Variants in CADM2 observed in about 807,000 individuals in gnomAD.
CADM2 encodes the protein cell adhesion molecule 2.
Under a neutral mutation model 49.8 loss-of-function variants are expected in CADM2, and 12 were observed. That is an observed-to-expected ratio of 0.24 (90% CI 0.15 to 0.39). The LOEUF (loss-of-function observed/expected upper bound fraction) is 0.39. Among genes scored for constraint, CADM2 ranks in the 10% least tolerant of loss-of-function variants. CADM2 has a pLI of 1.00. For synonymous variants in CADM2, 214 were observed against 175.4 expected, an observed-to-expected ratio of 1.22 and a Z score of -1.74; for missense variants, 378 against 492.3, an observed-to-expected ratio of 0.77 and a Z score of 2.20.
chr3:85,356,764 A>G (rs2031897576), intron 1 of CADM2, among the ~76,000 whole-genome samples: 2 of 152,130 alleles, frequency 1.3e-5, no homozygotes, highest in South Asian at 2.1e-4. Flanking sequence ...ATGACATTCT[A>G]TTTCTACTGT....
At chr3:85,672,581 G>C (rs1022002904) in intron 1 of CADM2, among the ~76,000 whole-genome samples, 13 of 151,974 alleles carry the variant, frequency 8.6e-5, no homozygotes, top group African/African-American at 2.2e-4. Context: ...ATATAATTCA[G>C]ATCAATACTC....
chr3:85,346,466 T>C (rs2030661477), intron 1 of CADM2, among the ~76,000 whole-genome samples: 1 of 152,164 alleles, frequency 6.6e-6, no homozygotes. Flanking sequence ...GCACATGTGA[T>C]CAGATGCATT....
intron 1 of CADM2, among the ~76,000 whole-genome samples, chr3:85,071,751 T>C (rs2036751705): frequency 6.6e-6 from 1 of 152,078 alleles, no homozygotes; most frequent in Admixed American, 6.6e-5. Flanking sequence ...TTGATTATCA[T>C]AGATTTAACT....
At chr3:85,411,557 T>G (rs1332937065) in intron 1 of CADM2, among the ~76,000 whole-genome samples, 1 of 152,164 alleles carries the variant, frequency 6.6e-6, no homozygotes, top group Admixed American at 6.5e-5. Context: ...GATAAAAATG[T>G]CACAGATTTC....
intron 1 of CADM2, among the ~76,000 whole-genome samples, chr3:85,237,751 A>G (rs2042439845): frequency 6.6e-6 from 1 of 151,812 alleles, no homozygotes; most frequent in African/African-American, 2.4e-5. Context: ...CAAGTTTTAT[A>G]CTTTAATATG....
Position 85,578,729 on chromosome 3 carries a change from A to C in CADM2, c.62-147793A>C, listed in dbSNP as rs559603350. Among the ~76,000 whole-genome samples the C allele has an allele frequency of 3.5e-4, 54 of 152,332 alleles. No homozygotes were observed. In the South Asian group the frequency reaches 5.0e-3, roughly 14 times the overall value. On this transcript the variant is annotated intron_variant, in intron 1 of 9. Transcript: ENST00000383699. ...TTATTCTTTTGCATCTATGAATTTA[A>C]ATTTCAATTAAATCAGATTAGATAT...
chr3:85,332,824 A>T (rs1398487067), intron 1 of CADM2, among the ~76,000 whole-genome samples: 1 of 151,002 alleles, frequency 6.6e-6, no homozygotes, highest in African/African-American at 2.5e-5. Context: ...TTGACTCAAA[A>T]ATCTGTGAAC....
intron 7 of CADM2, among the ~76,000 whole-genome samples, chr3:85,939,795 G>A (rs909999818): frequency 7.0e-6 from 1 of 142,484 alleles, no homozygotes; most frequent in Non-Finnish European, 1.5e-5. Flanking sequence ...TTTTGTTCTT[G>A]CCATAAATCT....
rs557175262 is a variant in CADM2 at position 85,155,728 on chromosome 3, A to G, written c.61+196060A>G. Among the ~76,000 whole-genome samples the G allele has an allele frequency of 9.2e-5, 14 of 152,332 alleles. No individual in the cohort carries two copies. The East Asian group carries it at 2.7e-3, about 29-fold the overall frequency. ...TAGCAAATGTAAAAGAACTGAAATT[A>G]TAACAAACTATCTCTCAGACCACAG... On this transcript the variant is annotated intron_variant, in intron 1 of 9. Coordinates refer to ENST00000383699, the MANE Select transcript of CADM2 (RefSeq NM_001167675.2).
At chr3:86,031,436 C>T (rs998231264) in intron 8 of CADM2, among the ~76,000 whole-genome samples, 1 of 151,776 alleles carries the variant, frequency 6.6e-6, no homozygotes, top group Non-Finnish European at 1.5e-5. Flanking sequence ...AGATTTTGTG[C>T]TTGTTTTCAT....
chr3:85,937,772 C>T (rs1020525955), intron 7 of CADM2, among the ~76,000 whole-genome samples: 4 of 151,902 alleles, frequency 2.6e-5, no homozygotes, highest in African/African-American at 9.7e-5. Flanking sequence ...TGTCAAATTT[C>T]TACCAAACTA....
At chr3:85,310,291 G>A (rs2044311838) in intron 1 of CADM2, among the ~76,000 whole-genome samples, 1 of 151,168 alleles carries the variant, frequency 6.6e-6, no homozygotes, top group South Asian at 2.1e-4. Context: ...AAATTTCAGG[G>A]CACGGACTGT....
intron 1 of CADM2, among the ~76,000 whole-genome samples, chr3:85,676,279 T>A (rs2065883444): frequency 6.6e-6 from 1 of 152,182 alleles, no homozygotes; most frequent in African/African-American, 2.4e-5. Context: ...GCCTTAATGA[T>A]CTTTTTTGTC....
intron 1 of CADM2, among the ~76,000 whole-genome samples, chr3:85,354,017 A>AT (rs927866826): frequency 1.1e-4 from 17 of 150,532 alleles, no homozygotes; most frequent in South Asian, 6.3e-4. Flanking sequence ...TGTCAACGCC[A>AT]TTTTTTTTTC....
At chr3:85,840,742 C>T (rs1658741452) in intron 3 of CADM2, among the ~76,000 whole-genome samples, 1 of 151,656 alleles carries the variant, frequency 6.6e-6, no homozygotes, top group South Asian at 2.1e-4. Flanking sequence ...ATAATTAATG[C>T]AATTTTAACA....
intron 8 of CADM2, among the ~76,000 whole-genome samples, chr3:86,053,617 A>G (rs1286443235): frequency 2.0e-5 from 3 of 152,074 alleles, no homozygotes; most frequent in Non-Finnish European, 4.4e-5. Context: ...ACATGCAGTA[A>G]TCATGGTCTA....
chr3:85,764,410 G>A (rs2069551021), intron 2 of CADM2, among the ~76,000 whole-genome samples: 1 of 152,054 alleles, frequency 6.6e-6, no homozygotes, highest in Admixed American at 6.6e-5. Context: ...ACAATGTCAT[G>A]AGTAGACATG....
intron 1 of CADM2, among the ~76,000 whole-genome samples, chr3:85,137,925 T>A (rs1243145872): frequency 6.6e-6 from 1 of 152,166 alleles, no homozygotes; most frequent in Admixed American, 6.5e-5. Flanking sequence ...GAATTATTAA[T>A]ATCCTTAATC....
At chr3:85,673,649 G>A (rs1198193387) in intron 1 of CADM2, among the ~76,000 whole-genome samples, 1 of 151,956 alleles carries the variant, frequency 6.6e-6, no homozygotes, top group Admixed American at 6.6e-5. Flanking sequence ...CAGGAAGGAA[G>A]CAAGGACAGA....
Sources: allele counts gnomAD v4.1 joint callset (sites outside exome capture counted in the v4.1 genomes callset), GRCh38; gene constraint gnomAD v4.1.1; transcripts MANE v1.5; gene names NCBI Gene and HGNC (gene_info 2026-07-23, HGNC 2026-07-21).